The following GSE1 variants were observed in gnomAD, a reference collection of about 807,000 sequenced individuals.
The protein encoded by GSE1 is genetic suppressor element 1.
A neutral mutation model predicts 112.6 loss-of-function variants in GSE1; 32 were observed. The ratio of observed to expected loss-of-function variants is 0.28; its 90% CI spans 0.21 to 0.38. The LOEUF is 0.38. GSE1 is among the 10% of genes least tolerant of loss of function. GSE1 has a pLI of 1.00. For missense variants in GSE1, 2,348 were observed against 1,699.2 expected (o/e 1.38, Z -6.71); for synonymous variants, 1,115 against 735.6 (o/e 1.52, Z -8.35).
At chr16:85,655,591 T>C (rs2051849591) in intron 5 of GSE1, 135 bp from the exon 6 acceptor site, 1 of 606,990 alleles carries the variant, frequency 1.6e-6, no homozygotes, top group Admixed American at 3.1e-5. Flanking sequence ...GCAGGCATGG[T>C]CTTCATCCCC....
At chr16:85,179,473 G>A (rs1256489349) in intron 1 of GSE1, among the ~76,000 whole-genome samples, 6 of 152,210 alleles carry the variant, frequency 3.9e-5, no homozygotes, top group Admixed American at 3.9e-4. Flanking sequence ...GCATGGGCAA[G>A]TGTTCACAGA....
intron 2 of GSE1, among the ~76,000 whole-genome samples, chr16:85,645,538 A>G (rs1274328087): frequency 6.6e-6 from 1 of 151,976 alleles, no homozygotes; most frequent in Non-Finnish European, 1.5e-5. Flanking sequence ...TTGGGAGAGC[A>G]AAGTTCTGTT....
chr16:85,439,455 G>A (rs983896405), intron 2 of GSE1, among the ~76,000 whole-genome samples: 3 of 152,218 alleles, frequency 2.0e-5, no homozygotes, highest in Admixed American at 1.3e-4. Flanking sequence ...GAGGGGGAGA[G>A]ACAGATGGCA....
intron 2 of GSE1, among the ~76,000 whole-genome samples, chr16:85,438,240 T>A (rs1205574236): frequency 3.3e-5 from 5 of 152,116 alleles, no homozygotes; most frequent in Non-Finnish European, 1.5e-5. Flanking sequence ...AATGAAGACT[T>A]GATACTCCAG....
exon 1 of GSE1, chr16:85,171,261 C>G (rs1422780189): frequency 4.1e-6 from 4 of 985,608 alleles, no homozygotes; most frequent in Non-Finnish European, 4.8e-6. Flanking sequence ...CTGCCCTCTC[C>G]GAGCTGCCGG....
chr16:85,290,655 T>C (rs2045182389), intron 1 of GSE1, among the ~76,000 whole-genome samples: 1 of 152,162 alleles, frequency 6.6e-6, no homozygotes, highest in Non-Finnish European at 1.5e-5. Context: ...CATACACCGC[T>C]GTTTGTAATA....
intron 1 of GSE1, among the ~76,000 whole-genome samples, chr16:85,273,651 G>A (rs1324039027): frequency 6.6e-6 from 1 of 152,108 alleles, no homozygotes; most frequent in Non-Finnish European, 1.5e-5. Context: ...GGGCTGGGAG[G>A]AGGAAGAAGA....
chr16:85,439,294 C>A (rs114370286), intron 2 of GSE1, among the ~76,000 whole-genome samples: 2,343 of 152,370 alleles, frequency 0.015, 61 homozygotes, highest in African/African-American at 0.054. Flanking sequence ...GTGGCCTGCC[C>A]CATGACCCAG....
chr16:85,322,436 A>G lies in GSE1; in HGVS notation c.2284-35027A>G, dbSNP rs557162965. Among the ~76,000 whole-genome samples, 496 of 152,192 alleles carry G rather than the reference A, an allele frequency of 3.3e-3. 1 individual carries two copies. The highest frequency in any genetic ancestry group is 0.011 in the African/African-American group (464 of 41,540). On this transcript the variant is annotated intron_variant, in intron 1 of 2. Transcript: ENST00000637419. Reference sequence around the variant, plus strand: ...CCTTGTTGCAAAGAAAAATAAATACATAAACCTAATCAGAGGAGGTTTGCA... The same window carrying G: ...CCTTGTTGCAAAGAAAAATAAATACGTAAACCTAATCAGAGGAGGTTTGCA...
At chr16:85,670,886 CTGGAGAGAGGTTT>C in intron 14 of GSE1, 96 bp from the exon 15 acceptor site, 1 of 706,144 alleles carries the variant, frequency 1.4e-6, no homozygotes, top group East Asian at 2.6e-5. Context: ...GCTGGCTGCA[CTGGAGAGAGGTTT>C]TGGGCTCTGC....
intron 1 of GSE1, among the ~76,000 whole-genome samples, chr16:85,598,049 G>T (rs1190661758): frequency 6.6e-6 from 1 of 151,970 alleles, no homozygotes; most frequent in Non-Finnish European, 1.5e-5. Context: ...CTGAAGAAGC[G>T]ATTCCTCGGA....
chr16:85,447,061 C>T (rs1885595564), intron 2 of GSE1, among the ~76,000 whole-genome samples: 1 of 152,196 alleles, frequency 6.6e-6, no homozygotes, highest in South Asian at 2.1e-4. Flanking sequence ...AGCAGCCTGC[C>T]CTGAGCAGTG....
At chr16:85,540,892 G>C (rs2044494963) in intron 2 of GSE1, among the ~76,000 whole-genome samples, 1 of 152,188 alleles carries the variant, frequency 6.6e-6, no homozygotes, top group Non-Finnish European at 1.5e-5. Context: ...GAGCAATAGA[G>C]TGAGACCCTG....
intron 1 of GSE1, among the ~76,000 whole-genome samples, chr16:85,327,322 G>T (rs934526842): frequency 6.6e-6 from 1 of 152,202 alleles, no homozygotes; most frequent in Admixed American, 6.5e-5. Context: ...AGGTTCTAAG[G>T]CCGGATGCGG....
chr16:85,395,777 C>T (rs902438935), intron 2 of GSE1, among the ~76,000 whole-genome samples: 1 of 152,212 alleles, frequency 6.6e-6, no homozygotes, highest in South Asian at 2.1e-4. Context: ...TGCCTCCTCC[C>T]GCCGGCTTCC....
rs373547364 is a variant in GSE1, at chr16:85,666,015, C to A, written c.2798C>A (p.Pro933Gln). 6.2e-6 allele frequency: 10 copies of A among 1,613,422 alleles called. No individual in the cohort carries two copies. Among genetic ancestry groups the A allele is most frequent in the Non-Finnish European group, 8.5e-6 (10 of 1,179,882 alleles). ...CAAGCCTCTCTGGATGTGGAGAAGC[C>A]GGTTGGTGTTGCTGCTTCCTTGTCT... is the stretch of plus-strand genomic sequence containing the variant. ...TQQASLDVEK[P>Q]VGVAASLSDI... Residue 933 changes from proline to glutamine, a missense_variant, in exon 13 of 16, where the codon CCG becomes CAG. Physicochemically the swap from Pro to Gln is moderately conservative, Grantham distance 76 (BLOSUM62 -1). Coordinates refer to ENST00000253458, the MANE Select transcript of GSE1 (RefSeq NM_014615.5).
chr16:85,463,297 T>G (rs1038799695), intron 2 of GSE1, among the ~76,000 whole-genome samples: 16 of 152,280 alleles, frequency 1.1e-4, no homozygotes, highest in African/African-American at 3.8e-4. Flanking sequence ...CGCCTCCTCA[T>G]GCTGTCAACT....
At chr16:85,413,968 C>T (rs2151722385) in intron 2 of GSE1, among the ~76,000 whole-genome samples, 1 of 152,316 alleles carries the variant, frequency 6.6e-6, no homozygotes, top group Non-Finnish European at 1.5e-5. Flanking sequence ...GTGAAGAGGG[C>T]ACCTTGCTTC....
Position 85,648,740 on chromosome 16 carries a change from G to A in GSE1, c.415G>A (p.Glu139Lys), listed in dbSNP as rs2051089196. 1 of 1,587,696 alleles carries A rather than the reference G, an allele frequency of 6.3e-7. No individual in the cohort carries two copies. The highest frequency in any genetic ancestry group is 8.6e-7 in the Non-Finnish European group (1 of 1,168,084). The change falls in exon 3 of 16, where the codon GAG becomes AAG. Residue 139 changes from glutamate to lysine, a missense_variant. By Grantham distance (56) the Glu-to-Lys change is moderately conservative. Coordinates refer to ENST00000253458, the MANE Select transcript of GSE1 (RefSeq NM_014615.5). ...TKTVNGVWRS[E>K]SRQDAGSRSS... Reference sequence around the variant, plus strand: ...AACCGTGAATGGTGTCTGGAGGAGTGAGAGCCGGCAGGTGAGTGGGGCGGG... The same window carrying A: ...AACCGTGAATGGTGTCTGGAGGAGTAAGAGCCGGCAGGTGAGTGGGGCGGG...
Sources: allele counts gnomAD v4.1 joint callset (sites outside exome capture counted in the v4.1 genomes callset), GRCh38; gene constraint gnomAD v4.1.1; transcripts MANE v1.5; gene names NCBI Gene and HGNC (gene_info 2026-07-23, HGNC 2026-07-21).